Variants in METTL15 observed in about 807,000 individuals in gnomAD.
METTL15 encodes 12S rRNA N(4)-cytidine methyltransferase METTL15.
In METTL15, 34 loss-of-function variants were observed where a neutral mutation model predicts 38.3. The observed-to-expected ratio is 0.89, with a 90% CI of 0.68 to 1.18. METTL15 has a LOEUF of 1.18. METTL15 is among the 50% of genes most tolerant of loss of function. The pLI is 0.00. For synonymous variants in METTL15, 162 were observed against 170.9 expected (o/e 0.95, Z 0.41); for missense variants, 438 against 498.4 (o/e 0.88, Z 1.15).
intron 3 of METTL15, among the ~76,000 whole-genome samples, chr11:28,142,117 C>A (rs1191788262): frequency 1.3e-5 from 2 of 152,094 alleles, no homozygotes; most frequent in Non-Finnish European, 2.9e-5. Flanking sequence ...TGTCAAAAAA[C>A]AAAATGAAAA....
intron 3 of METTL15, among the ~76,000 whole-genome samples, chr11:28,129,732 T>A (rs969347135): frequency 6.6e-6 from 1 of 152,178 alleles, no homozygotes; most frequent in African/African-American, 2.4e-5. Flanking sequence ...TTTTTAAATA[T>A]GCTATAAAAG....
At chr11:28,287,198 T>TGTG (rs1565225447) in intron 4 of METTL15, 149 of 122,498 alleles carry the variant, frequency 1.2e-3, no homozygotes, top group African/African-American at 5.2e-3. Flanking sequence ...GTGTGTGTGT[T>TGTG]CATGAGGCAT....
intron 3 of METTL15, among the ~76,000 whole-genome samples, chr11:28,196,723 TTAAAG>T (rs1271424620): frequency 6.6e-6 from 1 of 151,956 alleles, no homozygotes; most frequent in African/African-American, 2.4e-5. Flanking sequence ...AATTTTACTG[TTAAAG>T]TAATTAATTG....
At chr11:28,359,587 T>C (rs1850118402) in intron 4 of METTL15, among the ~76,000 whole-genome samples, 1 of 152,174 alleles carries the variant, frequency 6.6e-6, no homozygotes, top group African/African-American at 2.4e-5. Context: ...CAACATCTGT[T>C]ATTTTTTGAC....
intron 4 of METTL15, among the ~76,000 whole-genome samples, chr11:28,250,336 A>G (rs188611855): frequency 1.3e-5 from 2 of 152,204 alleles, no homozygotes; most frequent in Admixed American, 6.5e-5. Flanking sequence ...TTACATTACC[A>G]CCAGCAGTGT....
chr11:28,427,392 G>C (rs947312865), intron 6 of METTL15, among the ~76,000 whole-genome samples: 1 of 152,042 alleles, frequency 6.6e-6, no homozygotes, highest in African/African-American at 2.4e-5. Flanking sequence ...TGTTCTTTTT[G>C]TTTAGGATTG....
chr11:28,372,225 G>C (rs1269216425), intron 5 of METTL15, among the ~76,000 whole-genome samples: 1 of 151,904 alleles, frequency 6.6e-6, no homozygotes, highest in Non-Finnish European at 1.5e-5. Flanking sequence ...AGCACCTATT[G>C]AAATTATCAT....
intron 4 of METTL15, among the ~76,000 whole-genome samples, chr11:28,218,978 T>C (rs1037477573): frequency 6.6e-6 from 1 of 152,178 alleles, no homozygotes; most frequent in Admixed American, 6.5e-5. Flanking sequence ...TTATTGAGGA[T>C]TTTTGCATCG....
chr11:28,406,890 A>G (rs891668168), intron 5 of METTL15, among the ~76,000 whole-genome samples: 28 of 152,174 alleles, frequency 1.8e-4, no homozygotes, highest in African/African-American at 5.8e-4. Context: ...AGTTTTTAGC[A>G]TGAAGGAATG....
At chr11:28,114,749 C>T (rs1851869226) in intron 3 of METTL15, among the ~76,000 whole-genome samples, 1 of 152,146 alleles carries the variant, frequency 6.6e-6, no homozygotes, top group African/African-American at 2.4e-5. Context: ...CCATGCCCGG[C>T]CTTGTACAAG....
chr11:28,458,048 C>A (rs1851184492), intron 6 of METTL15, among the ~76,000 whole-genome samples: 2 of 152,180 alleles, frequency 1.3e-5, no homozygotes, highest in South Asian at 4.1e-4. Context: ...TATCACCACC[C>A]CTGAGTGTAT....
intron 3 of METTL15, among the ~76,000 whole-genome samples, chr11:28,148,050 G>A (rs953474300): frequency 2.6e-5 from 4 of 151,862 alleles, no homozygotes; most frequent in African/African-American, 7.2e-5. Flanking sequence ...TTTTATTCAT[G>A]TATATTTTGC....
intron 6 of METTL15, among the ~76,000 whole-genome samples, chr11:28,436,509 G>T (rs1316375714): frequency 6.6e-6 from 1 of 152,004 alleles, no homozygotes; most frequent in African/African-American, 2.4e-5. Context: ...GCTAATCCAA[G>T]GTTGCCTTGG....
At chr11:28,467,450 G>C (rs1478464545) in intron 6 of METTL15, among the ~76,000 whole-genome samples, 1 of 152,186 alleles carries the variant, frequency 6.6e-6, no homozygotes, top group African/African-American at 2.4e-5. Flanking sequence ...TCCACTCTGC[G>C]TGTATCTAAT....
intron 3 of METTL15, among the ~76,000 whole-genome samples, chr11:28,149,534 C>T (rs1423916360): frequency 6.6e-6 from 1 of 151,898 alleles, no homozygotes; most frequent in African/African-American, 2.4e-5. Context: ...TGCAGGTTAC[C>T]TTTCCTTCTA....
downstream of METTL15, among the ~76,000 whole-genome samples, chr11:28,336,066 C>A (rs1318915746): frequency 6.6e-6 from 1 of 152,040 alleles, no homozygotes; most frequent in African/African-American, 2.4e-5. Flanking sequence ...CTTTTTTCCC[C>A]CCTTAGTAGT....
chr11:28,427,309 C>A (rs1564928223), intron 6 of METTL15, among the ~76,000 whole-genome samples: 1 of 152,246 alleles, frequency 6.6e-6, no homozygotes, highest in South Asian at 2.1e-4. Flanking sequence ...ATTCTTGAAC[C>A]AGTACCATAC....
chr11:28,275,908 A>C (rs1268364654), intron 4 of METTL15, among the ~76,000 whole-genome samples: 1 of 152,112 alleles, frequency 6.6e-6, no homozygotes, highest in Non-Finnish European at 1.5e-5. Context: ...CCTTCATGAT[A>C]AAAACTCTTA....
chr11:28,307,249 A>G (rs888249050), intron 6 of METTL15, among the ~76,000 whole-genome samples: 1 of 151,962 alleles, frequency 6.6e-6, no homozygotes, highest in African/African-American at 2.4e-5. Context: ...CTCCTAATAC[A>G]TAATTATTTA....
Sources: allele counts gnomAD v4.1 joint callset (sites outside exome capture counted in the v4.1 genomes callset), GRCh38; gene constraint gnomAD v4.1.1; transcripts MANE v1.5; gene names NCBI Gene and HGNC (gene_info 2026-07-23, HGNC 2026-07-21).